Variants in REV1 observed in about 807,000 individuals in gnomAD.
REV1 encodes translesion synthesis protein REV1.
REV1 carries 42 observed loss-of-function variants against 137.4 expected under a neutral mutation model. That is an observed-to-expected ratio of 0.31 (90% CI 0.24 to 0.40). The LOEUF is 0.40. REV1 is among the 10% of genes least tolerant of loss of function. The probability of loss-of-function intolerance (pLI) is 1.00; values close to 1 mark genes in which losing one functional copy is unlikely to be tolerated. For missense variants in REV1, 1,282 were observed against 1,490.1 expected, an observed-to-expected ratio of 0.86 and a Z score of 2.30; for synonymous variants, 524 against 519.2, an observed-to-expected ratio of 1.01 and a Z score of -0.12.
At chr2:99,412,645 G>C in intron 13 of REV1, 86 bp downstream of exon 13, 6 of 1,019,894 alleles carry the variant, frequency 5.9e-6, no homozygotes, top group Non-Finnish European at 7.6e-6. Flanking sequence ...TTCAAGCATT[G>C]AGGGTCTAAT....
At chr2:99,431,960 G>A (rs1680180283) in intron 8 of REV1, 1 of 918,584 alleles carries the variant, frequency 1.1e-6, no homozygotes, top group Non-Finnish European at 1.3e-6. Flanking sequence ...AGAAATCGCT[G>A]AGAATAAATC....
chr2:99,408,383 C>T, intron 14 of REV1: 1 of 287,778 alleles, frequency 3.5e-6, no homozygotes, highest in Admixed American at 5.1e-5. Flanking sequence ...ACACTTAGGT[C>T]AACTAAAAAT....
At chr2:99,460,172 G>A (rs1684022079) in intron 3 of REV1, among the ~76,000 whole-genome samples, 2 of 152,292 alleles carry the variant, frequency 1.3e-5, no homozygotes, top group Non-Finnish European at 2.9e-5. Flanking sequence ...CGCCTCCCGG[G>A]TTCAAGTGAT....
Position 99,418,966 on chromosome 2 carries a change from A to G in REV1, c.1832-19T>C, listed in dbSNP as rs778391084. 5.7e-6 allele frequency: 9 copies of G among 1,577,770 alleles called. No homozygotes were observed. In the South Asian group the frequency reaches 8.2e-5, roughly 14 times the overall value. On this transcript the variant is annotated intron_variant, in intron 11 of 22. Transcript: ENST00000258428. Reference sequence around the variant, plus strand: ...TTAGAACCTATTAAAAAAAAAAGTCATCCAAGAAATAGTCACAATTATTTT... The same window carrying G: ...TTAGAACCTATTAAAAAAAAAAGTCGTCCAAGAAATAGTCACAATTATTTT...
chr2:99,484,767 G>C (rs1367213798), intron 1 of REV1, among the ~76,000 whole-genome samples: 1 of 151,912 alleles, frequency 6.6e-6, no homozygotes, highest in Non-Finnish European at 1.5e-5. Flanking sequence ...CACAAATAAT[G>C]AGATAAATTT....
intron 9 of REV1, among the ~76,000 whole-genome samples, chr2:99,425,896 AG>A (rs1559325059): frequency 5.9e-5 from 9 of 151,748 alleles, no homozygotes; most frequent in African/African-American, 2.2e-4. Flanking sequence ...ATTAGCGAGA[AG>A]TGGTGGCGCA....
chr2:99,477,884 C>T (rs368959370), intron 1 of REV1, among the ~76,000 whole-genome samples: 1 of 152,112 alleles, frequency 6.6e-6, no homozygotes, highest in East Asian at 1.9e-4. Context: ...GCTTTTCTTC[C>T]CTTCAATTAC....
intron 4 of REV1, among the ~76,000 whole-genome samples, chr2:99,442,679 A>T (rs570916361): frequency 2.0e-5 from 3 of 152,140 alleles, no homozygotes; most frequent in Non-Finnish European, 4.4e-5. Flanking sequence ...GAACTAGTCA[A>T]TATTTTAAAC....
rs552567805 is a variant in REV1, at chr2:99,408,170, A to G, written c.2346-39T>C. Reference sequence around the variant, plus strand: ...AATTAAAAAACAAAAGCTTCATTCCATATGTATTCACTAGTACTAAAGTAG... The same window carrying G: ...AATTAAAAAACAAAAGCTTCATTCCGTATGTATTCACTAGTACTAAAGTAG... On this transcript the variant is annotated intron_variant, in intron 14 of 22. Transcript: ENST00000258428. 1.1e-5 allele frequency: 14 copies of G among 1,241,604 alleles called. No homozygotes were observed. The Admixed American group carries it at 1.5e-4, about 13-fold the overall frequency. 76.9% of individuals were successfully genotyped at this position (1,241,604 alleles called of 1,614,324 possible). A position where few individuals can be genotyped will look rare whatever the true frequency, so the allele number is the denominator to read the frequency against.
chr2:99,469,828 T>A (rs1196708277), intron 1 of REV1, among the ~76,000 whole-genome samples: 1 of 152,164 alleles, frequency 6.6e-6, no homozygotes, highest in Admixed American at 6.6e-5. Flanking sequence ...AGAATTATGT[T>A]TATCACCAGG....
At chr2:99,409,853 A>AGC (rs1676862859) in intron 14 of REV1, among the ~76,000 whole-genome samples, 1 of 78,474 alleles carries the variant, frequency 1.3e-5, no homozygotes, top group Non-Finnish European at 2.5e-5. Context: ...AAAACAAACA[A>AGC]CCCCCCCCCC....
At chr2:99,485,759 T>C (rs190218205) in intron 1 of REV1, among the ~76,000 whole-genome samples, 206 of 152,380 alleles carry the variant, frequency 1.4e-3, no homozygotes, top group African/African-American at 4.5e-3. Context: ...CAAAATGTAT[T>C]TTTTAAAGGC....
chr2:99,461,786 G>A (rs1204762002), intron 3 of REV1, among the ~76,000 whole-genome samples: 2 of 152,164 alleles, frequency 1.3e-5, no homozygotes, highest in African/African-American at 4.8e-5. Flanking sequence ...CAAAGAGAAA[G>A]TCATGAAATA....
intron 4 of REV1, among the ~76,000 whole-genome samples, chr2:99,447,241 T>C (rs1682338812): frequency 1.3e-5 from 2 of 151,866 alleles, no homozygotes; most frequent in Admixed American, 1.3e-4. Context: ...ATTGTAACCT[T>C]TGTCTACTGC....
rs191554743 is a variant in REV1 at position 99,428,175 on chromosome 2, C to T, written c.1547+1665G>A. Among the ~76,000 whole-genome samples, 6 of 152,240 alleles carry T rather than the reference C, an allele frequency of 3.9e-5. No individual in the cohort carries two copies. The East Asian group carries it at 1.2e-3, about 29-fold the overall frequency. ...AGGGTAAACGGAGCTCGCATTTTAC[C>T]AACTAGCGAAATTCAAGGACTGGGA... On this transcript the variant is annotated intron_variant, in intron 9 of 22. Coordinates refer to ENST00000258428, the MANE Select transcript of REV1 (RefSeq NM_016316.4).
At chr2:99,472,316 T>C (rs560026820) in intron 1 of REV1, among the ~76,000 whole-genome samples, 7 of 152,124 alleles carry the variant, frequency 4.6e-5, no homozygotes, top group Admixed American at 4.6e-4. Flanking sequence ...AAAAGACAAA[T>C]ACTGTATGAT....
intron 14 of REV1, among the ~76,000 whole-genome samples, chr2:99,409,644 G>C (rs538047929): frequency 1.3e-5 from 2 of 152,240 alleles, no homozygotes; most frequent in East Asian, 3.9e-4. Context: ...AGGAGTTCAA[G>C]ATCAGCCTTG....
At position 99,403,948 on chromosome 2, in the gene REV1, A is replaced by C. The variant is rs950724320; in HGVS notation, c.3046-133T>G. The C allele has an allele frequency of 5.7e-6, 6 of 1,052,400 alleles. No individual in the cohort carries two copies. In the Admixed American group the frequency reaches 1.3e-4, roughly 22 times the overall value. The allele number at this position is 1,052,400 out of a possible 1,614,324, so 65.2% of individuals were successfully genotyped here. A position where few individuals can be genotyped will look rare whatever the true frequency, so the allele number is the denominator to read the frequency against. On this transcript the variant is annotated intron_variant, in intron 18 of 22. Coordinates refer to ENST00000258428, the MANE Select transcript of REV1 (RefSeq NM_016316.4). ...TGTACGAATTCTTAACAGTTCCCCAATATCAAAGCTGATTAAATCTTCAAA... is the reference window on the plus strand; with the variant it reads ...TGTACGAATTCTTAACAGTTCCCCACTATCAAAGCTGATTAAATCTTCAAA...
At chr2:99,402,605 C>T (rs1425168812) in intron 21 of REV1, 39 bp downstream of exon 21, 2 of 1,582,604 alleles carry the variant, frequency 1.3e-6, no homozygotes, top group African/African-American at 1.4e-5. Flanking sequence ...GAGACGACTA[C>T]ATCTCAGCCT....
Sources: gnomAD v4.1 joint callset for allele counts (sites outside exome capture counted in the v4.1 genomes callset) on GRCh38, gnomAD v4.1.1 for gene constraint, MANE v1.5 for transcripts, NCBI Gene and HGNC (gene_info 2026-07-23, HGNC 2026-07-21) for gene names.